SARS1: variants seen among roughly 807,000 people sequenced by gnomAD.
The protein encoded by SARS1 is seryl-tRNA synthetase 1.
Under a neutral mutation model 63.7 loss-of-function variants are expected in SARS1, and 25 were observed. The ratio of observed to expected loss-of-function variants is 0.39; its 90% CI spans 0.29 to 0.55. The LOEUF (loss-of-function observed/expected upper bound fraction) is 0.55, where lower values mean the gene tolerates loss of function less well. Ranked by LOEUF, SARS1 falls within the 20% of genes least tolerant of loss-of-function variation. The probability of loss-of-function intolerance (pLI) is 0.62; values close to 1 mark genes in which losing one functional copy is unlikely to be tolerated. For synonymous variants in SARS1, 231 were observed against 243.5 expected (o/e 0.95, Z 0.48); for missense variants, 417 against 649.7 (o/e 0.64, Z 3.89).
intron 1 of SARS1, among the ~76,000 whole-genome samples, chr1:109,222,002 ATATATATATTTTTTTTTTTTTTTTTT>A (rs1272882913): frequency 1.2e-3 from 14 of 11,648 alleles, no homozygotes; most frequent in African/African-American, 5.7e-3. Flanking sequence ...ATATATATAT[ATATATATATTTTTTTTTTTTTTTTTT>A]TTTTTTTTTT....
At chr1:109,226,721 CACACACAT>C (rs1268770567) in intron 2 of SARS1, among the ~76,000 whole-genome samples, 5 of 47,662 alleles carry the variant, frequency 1.0e-4, no homozygotes, top group African/African-American at 1.6e-4. Context: ...CACACACACA[CACACACAT>C]ATATATATAT....
chr1:109,219,084 G>A (rs893947011), intron 1 of SARS1, among the ~76,000 whole-genome samples: 9 of 151,030 alleles, frequency 6.0e-5, no homozygotes, highest in Admixed American at 2.0e-4. Context: ...GGCTAACACG[G>A]TGAAACCCCA....
At chr1:109,213,910 G>A, upstream of SARS1, 1 of 1,468,058 alleles carries the variant, frequency 6.8e-7, no homozygotes, top group Admixed American at 2.4e-5. Flanking sequence ...GCGGGTCAGC[G>A]CGCCGGCGCA....
At chr1:109,234,087 C>G (rs1409801276) in intron 6 of SARS1, among the ~76,000 whole-genome samples, 1 of 151,466 alleles carries the variant, frequency 6.6e-6, no homozygotes, top group African/African-American at 2.4e-5. Context: ...TCATGTTGGC[C>G]AGGCTGGTCT....
rs1164476113 is a variant in SARS1 at position 109,235,783 on chromosome 1, CAG to C, written c.970-193_970-192del. On this transcript the variant is annotated intron_variant, in intron 7 of 10. Transcript: ENST00000234677. The surrounding 1 kb of genome is among the most constrained non-coding windows in gnomAD (Gnocchi z 4.7). Reference sequence around the variant, plus strand: ...GTCACTATATGTAAAGCACTCAGAACAGGGGCTGGCATGCATACGGGAAGCTC... The same window carrying C: ...GTCACTATATGTAAAGCACTCAGAACGGGCTGGCATGCATACGGGAAGCTC... Among the ~76,000 whole-genome samples the C allele has an allele frequency of 6.6e-6, 1 of 152,198 alleles. No homozygotes were observed. The highest frequency in any genetic ancestry group is 2.4e-5 in the African/African-American group (1 of 41,436).
chr1:109,226,732 A>T (rs1345967095), intron 2 of SARS1, among the ~76,000 whole-genome samples: 1 of 50,266 alleles, frequency 2.0e-5, no homozygotes, highest in Admixed American at 2.6e-4. Flanking sequence ...ACACACATAT[A>T]TATATATTTA....
chr1:109,224,801 A>G (rs959046086), intron 2 of SARS1, among the ~76,000 whole-genome samples: 10 of 152,134 alleles, frequency 6.6e-5, no homozygotes, highest in Non-Finnish European at 1.2e-4. Context: ...TAATCATATT[A>G]CATTACATAT....
In SARS1 at chr1:109,227,738, T is replaced by TA. The variant is rs202148656; in HGVS notation, c.208-609dup. 3.8e-3 allele frequency among the ~76,000 whole-genome samples: 541 copies of TA among 143,994 alleles called. 9 individuals are homozygous for TA. Among genetic ancestry groups the TA allele is most frequent in the Admixed American group, 0.028 (399 of 14,498 alleles). 94.5% of individuals were successfully genotyped at this position (143,994 alleles called of 152,430 possible). A position where few individuals can be genotyped will look rare whatever the true frequency, so the allele number is the denominator to read the frequency against. ...CAACAGAGTGAAACCCTATCTCTAT[T>TA]AAAAATACAAAAAAAAAAAAGGAAA... is the stretch of plus-strand genomic sequence containing the variant. On this transcript the variant is annotated intron_variant, in intron 2 of 10. Coordinates refer to ENST00000234677, the MANE Select transcript of SARS1 (RefSeq NM_006513.4).
chr1:109,221,970 G>GTGTATATGTATATATA (rs1654939076), intron 1 of SARS1, among the ~76,000 whole-genome samples: 1 of 28,056 alleles, frequency 3.6e-5, no homozygotes, highest in African/African-American at 1.4e-4. Context: ...TTGTGTGTGT[G>GTGTATATGTATATATA]TATATATATA....
At chr1:109,233,123 C>T (rs1255731094) in intron 6 of SARS1, among the ~76,000 whole-genome samples, 9 of 152,056 alleles carry the variant, frequency 5.9e-5, no homozygotes, top group East Asian at 1.9e-4. Flanking sequence ...GCACTGAAAA[C>T]GTGGCTGATG....
chr1:109,237,626 C>A lies in SARS1; in HGVS notation c.1388-105C>A. 1 of 1,304,410 alleles carries A rather than the reference C, an allele frequency of 7.7e-7. No individual in the cohort carries two copies. Among genetic ancestry groups the A allele is most frequent in the South Asian group, 1.4e-5 (1 of 72,886 alleles). The allele number at this position is 1,304,410 out of a possible 1,614,324, so 80.8% of individuals were successfully genotyped here. On this transcript the variant is annotated intron_variant, in intron 10 of 10. Coordinates refer to ENST00000234677, the MANE Select transcript of SARS1 (RefSeq NM_006513.4). This position sits in a 1 kb window ranked among gnomAD's most constrained non-coding sequence, Gnocchi z 4.1. ...GGAAACCAGTGCCTATCAAAGGGAC[C>A]CCTCTGTTCAAAGGGATCATTGTCT... is the stretch of plus-strand genomic sequence containing the variant.
At chr1:109,227,617 C>T (rs79299737) in intron 2 of SARS1, among the ~76,000 whole-genome samples, 4,260 of 152,004 alleles carry the variant, frequency 0.028, 182 homozygotes, top group African/African-American at 0.096. Flanking sequence ...AATCTACACT[C>T]GGGGCCGGGT....
rs139772934 is a variant in SARS1 at position 109,229,420 on chromosome 1, A to G, written c.295A>G (p.Lys99Glu). The change falls in exon 4 of 11, where the codon AAA becomes GAA. Residue 99 changes from lysine to glutamate, a missense_variant. Physicochemically the swap from Lys to Glu is moderately conservative, Grantham distance 56. Coordinates refer to ENST00000234677, the MANE Select transcript of SARS1 (RefSeq NM_006513.4). ...DLTADALANL[K>E]VSQIKKVRLL... ...CTGGCCTGTTCATCTGCAGAACCTG[A>G]AAGTCTCACAAATCAAAAAAGTCCG... 1.7e-5 allele frequency: 28 copies of G among 1,613,866 alleles called. No homozygotes were observed. The African/African-American group carries it at 2.3e-4, about 13-fold the overall frequency.
At chr1:109,229,870 A>C (rs2101199300) in intron 4 of SARS1, among the ~76,000 whole-genome samples, 1 of 152,260 alleles carries the variant, frequency 6.6e-6, no homozygotes, top group South Asian at 2.1e-4. Flanking sequence ...CTGCTAAATC[A>C]ACCTAACCCC....
Position 109,214,919 on chromosome 1 carries a change from C to T in SARS1, c.136+791C>T. 2.0e-6 allele frequency: 2 copies of T among 985,408 alleles called. No individual in the cohort carries two copies. The highest frequency in any genetic ancestry group is 9.4e-5 in the South Asian group (2 of 21,284). 61.0% of individuals were successfully genotyped at this position (985,408 alleles called of 1,614,324 possible). A position where few individuals can be genotyped will look rare whatever the true frequency, so the allele number is the denominator to read the frequency against. ...CGAATAAAACCATAGAACCATCTGC[C>T]CATAAATCTCTGCCTGTATTAACTG... is the stretch of plus-strand genomic sequence containing the variant. On this transcript the variant is annotated intron_variant, in intron 1 of 10. Coordinates refer to ENST00000234677, the MANE Select transcript of SARS1 (RefSeq NM_006513.4). The surrounding 1 kb of genome is among the most constrained non-coding windows in gnomAD (Gnocchi z 4.6).
rs370159096 is a variant in SARS1 at position 109,237,719 on chromosome 1, C to T, written c.1388-12C>T. 2.8e-4 allele frequency: 452 copies of T among 1,613,244 alleles called. 1 individual carries two copies. The highest frequency in any genetic ancestry group is 3.6e-4 in the Non-Finnish European group (428 of 1,179,698). ...GAAACAACAGGTCATTTGGTTGGCT[C>T]TTCCCTCCCAGGACTGCAAGAACTG... On this transcript the variant is annotated splice_polypyrimidine_tract_variant and intron_variant, in intron 10 of 10. Transcript: ENST00000234677. This position sits in a 1 kb window ranked among gnomAD's most constrained non-coding sequence, Gnocchi z 4.1.
Position 109,235,375 on chromosome 1 carries a change from G to A in SARS1, c.913G>A (p.Val305Met). Residue 305 changes from valine (V) to methionine (M), a missense_variant, in exon 7 of 11, where the codon GTG (valine) becomes ATG (methionine). By Grantham distance (21) the Val-to-Met change is conservative. This residue lies in a region of SARS1 where 359 missense variants were observed against 529.6 expected (regional missense o/e 0.68). Coordinates refer to ENST00000234677, the MANE Select transcript of SARS1 (RefSeq NM_006513.4). The surrounding 1 kb of genome is among the most constrained non-coding windows in gnomAD (Gnocchi z 4.7). Reference protein sequence around the residue: ...AGLSTCFRQEVGSHGRDTRGI... With the variant: ...AGLSTCFRQEMGSHGRDTRGI... ...CCTGTCTACCTGCTTCCGTCAGGAG[G>A]TGGGCTCCCATGGCCGTGACACCCG... 6.2e-7 allele frequency: 1 copy of A among 1,614,048 alleles called. No individual in the cohort carries two copies.
intron 4 of SARS1, 73 bp from the exon 5 acceptor site, chr1:109,230,805 C>CAAAA: frequency 9.2e-7 from 1 of 1,088,280 alleles, no homozygotes; most frequent in Non-Finnish European, 1.3e-6. Context: ...ACCCTGTCTC[C>CAAAA]AAAAAAAAAA....
chr1:109,235,494 GAT>G lies in SARS1; in HGVS notation c.969+65_969+66del. 1.5e-6 allele frequency: 2 copies of G among 1,330,354 alleles called. No individual in the cohort carries two copies. Among genetic ancestry groups the G allele is most frequent in the Non-Finnish European group, 2.1e-6 (2 of 949,340 alleles). The allele number at this position is 1,330,354 out of a possible 1,614,324, so 82.4% of individuals were successfully genotyped here. A position where few individuals can be genotyped will look rare whatever the true frequency, so the allele number is the denominator to read the frequency against. On this transcript the variant is annotated intron_variant, in intron 7 of 10. Coordinates refer to ENST00000234677, the MANE Select transcript of SARS1 (RefSeq NM_006513.4). The surrounding 1 kb of genome is among the most constrained non-coding windows in gnomAD (Gnocchi z 4.7). ...CTGTCTCCAGAATGGTTAGATGAGAGATAGGATCTGTGTTGCTGAGGCCCATC... is the reference window on the plus strand; with the variant it reads ...CTGTCTCCAGAATGGTTAGATGAGAGAGGATCTGTGTTGCTGAGGCCCATC...
Sources: gnomAD v4.1 joint callset for allele counts (sites outside exome capture counted in the v4.1 genomes callset) on GRCh38, gnomAD v4.1.1 for gene constraint, gnomAD v4.1.1 regional missense constraint, Gnocchi (gnomAD v3.1) non-coding constraint, MANE v1.5 for transcripts, NCBI Gene and HGNC (gene_info 2026-07-23, HGNC 2026-07-21) for gene names.